BEST3: variants seen among roughly 807,000 people sequenced by gnomAD.
BEST3 encodes the protein bestrophin-3.
BEST3 carries 50 observed loss-of-function variants against 47.1 expected under a neutral mutation model. That is an observed-to-expected ratio of 1.06 (90% confidence interval 0.85 to 1.34). The LOEUF (loss-of-function observed/expected upper bound fraction) is 1.34, where lower values mean the gene tolerates loss of function less well. Among genes scored for constraint, BEST3 ranks in the 40% most tolerant of loss-of-function variants. The pLI is 0.00. For missense variants in BEST3, 765 were observed against 817.0 expected, an observed-to-expected ratio of 0.94 and a Z score of 0.78; for synonymous variants, 282 against 298.8, an observed-to-expected ratio of 0.94 and a Z score of 0.58.
intron 9 of BEST3, among the ~76,000 whole-genome samples, chr12:69,667,363 C>T (rs710730): frequency 0.39 from 58,876 of 151,842 alleles, 11,833 homozygotes; most frequent in Admixed American, 0.51. Flanking sequence ...GGTGCGATCT[C>T]GGTTCACTGC....
intron 2 of BEST3, among the ~76,000 whole-genome samples, chr12:69,696,963 A>C (rs535067581): frequency 6.6e-6 from 1 of 152,320 alleles, no homozygotes; most frequent in African/African-American, 2.4e-5. Context: ...TAAGACTATA[A>C]CTTTTCATCA....
chr12:69,693,541 A>C, intron 4 of BEST3, 133 bp downstream of exon 4: 1 of 757,228 alleles, frequency 1.3e-6, no homozygotes. Context: ...CTGGGATTAC[A>C]GGCATGAGCC....
Position 69,699,255 on chromosome 12 carries a change from G to T in BEST3, c.-66C>A, listed in dbSNP as rs17813623. ...ACAGGAAAGAGAATCTTCAAATTTC[G>T]GGCTCCCCCGAAGAGGTGCCTTCAG... is the stretch of plus-strand genomic sequence containing the variant. On this transcript the variant is annotated 5_prime_UTR_variant, in exon 1 of 10. Transcript: ENST00000330891. The T allele has an allele frequency of 0.16, 153,219 of 984,936 alleles. 12,839 individuals carry two copies. The highest frequency in any genetic ancestry group is 0.17 in the Non-Finnish European group (141,758 of 829,642). The allele number at this position is 984,936 out of a possible 1,614,324, so 61.0% of individuals were successfully genotyped here.
At chr12:69,669,089 C>T (rs1387005772) in intron 9 of BEST3, among the ~76,000 whole-genome samples, 2 of 152,258 alleles carry the variant, frequency 1.3e-5, no homozygotes, top group Non-Finnish European at 2.9e-5. Flanking sequence ...AACTATAAAC[C>T]TCCTTTAGCT....
Position 69,671,484 on chromosome 12 carries a change from T to C in BEST3, c.1044A>G (p.Thr348=), listed in dbSNP as rs750334856. 1.2e-6 allele frequency: 2 copies of C among 1,614,002 alleles called. No homozygotes were observed. Among genetic ancestry groups the C allele is most frequent in the East Asian group, 2.2e-5 (1 of 44,886 alleles). ...GTATGCAGTAGTCAGCAGCTGCCAA[T>C]GTGTATGGTGGGCGAGCAGCAGAAT... The part of the protein sequence containing the change: ...WDDSAARPPY[T]LAAADYCIPS... Residue 348 remains threonine, a synonymous_variant, in exon 9 of 10, where the codon ACA becomes ACG. Coordinates refer to ENST00000330891, the MANE Select transcript of BEST3 (RefSeq NM_032735.3).
In BEST3 at chr12:69,694,468, G is replaced by A; in HGVS notation, c.153-4C>T. On this transcript the variant is annotated splice_polypyrimidine_tract_variant and splice_region_variant and intron_variant, in intron 2 of 9. Coordinates refer to ENST00000330891, the MANE Select transcript of BEST3 (RefSeq NM_032735.3). ...TTGGACTCCTGTAAGTAACAATCTG[G>A]AGCAAAAATAAAATGCACAGCCCTT... is the stretch of plus-strand genomic sequence containing the variant. 6.4e-7 allele frequency: 1 copy of A among 1,564,624 alleles called. No individual in the cohort carries two copies. Among genetic ancestry groups the A allele is most frequent in the Non-Finnish European group, 8.7e-7 (1 of 1,144,130 alleles).
intron 9 of BEST3, among the ~76,000 whole-genome samples, chr12:69,665,302 G>A (rs1375170401): frequency 6.6e-6 from 1 of 152,178 alleles, no homozygotes; most frequent in Non-Finnish European, 1.5e-5. Flanking sequence ...AACAAGGCCA[G>A]GGTACAGCAG....
In BEST3 at chr12:69,654,711, G is replaced by A. The variant is rs1883347584; in HGVS notation, c.*196C>T. ...TGATGAAAGCCATGTTGTGTTGGATGACGTGAATGCGTTTGATTTTTCGCA... is the reference window on the plus strand; with the variant it reads ...TGATGAAAGCCATGTTGTGTTGGATAACGTGAATGCGTTTGATTTTTCGCA... On this transcript the variant is annotated 3_prime_UTR_variant, in exon 10 of 10. Coordinates refer to ENST00000330891, the MANE Select transcript of BEST3 (RefSeq NM_032735.3). 7.5e-7 allele frequency: 1 copy of A among 1,336,778 alleles called. No individual in the cohort carries two copies. 82.8% of individuals were successfully genotyped at this position (1,336,778 alleles called of 1,614,324 possible).
At chr12:69,685,391 G>A (rs1442333926) in intron 4 of BEST3, among the ~76,000 whole-genome samples, 2 of 152,200 alleles carry the variant, frequency 1.3e-5, no homozygotes, top group Admixed American at 6.5e-5. Flanking sequence ...TAGATCTGAG[G>A]CAATTTGCAG....
downstream of BEST3, among the ~76,000 whole-genome samples, chr12:69,650,716 T>C (rs989388501): frequency 6.6e-6 from 1 of 152,184 alleles, no homozygotes; most frequent in African/African-American, 2.4e-5. Context: ...AAGCAACTAC[T>C]TTTCTCCAGT....
rs1427199707 is a variant in BEST3, at chr12:69,665,116, G to T, written c.1100+6312C>A. On this transcript the variant is annotated intron_variant, in intron 9 of 9. Coordinates refer to ENST00000330891, the MANE Select transcript of BEST3 (RefSeq NM_032735.3). ...GCAGCAAAGTGAAATTCAGTAAAAG[G>T]GATGCCAAGTCACACAGTGGACAGC... is the stretch of plus-strand genomic sequence containing the variant. Among the ~76,000 whole-genome samples the T allele has an allele frequency of 8.7e-5, 10 of 114,384 alleles. No homozygotes were observed. In the South Asian group the frequency reaches 1.2e-3, roughly 14 times the overall value. 75.0% of individuals were successfully genotyped at this position (114,384 alleles called of 152,430 possible).
At chr12:69,697,375 T>C (rs951443661) in intron 2 of BEST3, among the ~76,000 whole-genome samples, 11 of 152,180 alleles carry the variant, frequency 7.2e-5, no homozygotes, top group Non-Finnish European at 1.3e-4. Context: ...AGGATAATCC[T>C]TCCATTTTGT....
chr12:69,680,905 C>A (rs183189098), intron 4 of BEST3, among the ~76,000 whole-genome samples: 10 of 151,536 alleles, frequency 6.6e-5, no homozygotes, highest in African/African-American at 2.4e-4. Context: ...CAGCAGCATT[C>A]CTTTTAATGG....
intron 4 of BEST3, among the ~76,000 whole-genome samples, chr12:69,679,816 G>A (rs1311219932): frequency 6.6e-6 from 1 of 152,184 alleles, no homozygotes; most frequent in Admixed American, 6.5e-5. Flanking sequence ...AGCTGAGATC[G>A]TGCCACTGCA....
intron 9 of BEST3, among the ~76,000 whole-genome samples, chr12:69,645,477 G>A (rs117938104): frequency 6.6e-6 from 1 of 152,172 alleles, no homozygotes; most frequent in African/African-American, 2.4e-5. Flanking sequence ...GACCTCAAAG[G>A]GTAAGTCGGC....
chr12:69,694,285 T>A, intron 3 of BEST3, 85 bp downstream of exon 3: 1 of 823,352 alleles, frequency 1.2e-6, no homozygotes, highest in Non-Finnish European at 1.9e-6. Context: ...GCCTCTCAGC[T>A]TGGAAACACT....
intron 9 of BEST3, among the ~76,000 whole-genome samples, chr12:69,657,364 G>A (rs1045338958): frequency 6.6e-6 from 1 of 152,084 alleles, no homozygotes; most frequent in Non-Finnish European, 1.5e-5. Flanking sequence ...CCAAAGTGCT[G>A]GGATTACAGG....
intron 7 of BEST3, 90 bp from the exon 8 acceptor site, chr12:69,673,055 T>G: frequency 1.0e-6 from 1 of 986,884 alleles, no homozygotes; most frequent in South Asian, 1.5e-5. Flanking sequence ...CCTCTCTGCT[T>G]CCTTGTGTGA....
chr12:69,694,187 T>G (rs1018087032), intron 3 of BEST3, 183 bp downstream of exon 3: 2 of 575,600 alleles, frequency 3.5e-6, no homozygotes, highest in African/African-American at 3.8e-5. Context: ...TCCTCAAACT[T>G]GTTTGGTGTT....
Sources: allele counts gnomAD v4.1 joint callset (sites outside exome capture counted in the v4.1 genomes callset), GRCh38; gene constraint gnomAD v4.1.1; transcripts MANE v1.5; gene names NCBI Gene and HGNC (gene_info 2026-07-23, HGNC 2026-07-21).